DMXL1: variants seen among roughly 807,000 people sequenced by gnomAD.
DMXL1 encodes Dmx like 1, also known as dmX-like protein 1.
A neutral mutation model predicts 319.2 loss-of-function variants in DMXL1; 99 were observed. The observed-to-expected ratio is 0.31, with a 90% confidence interval of 0.26 to 0.37. The LOEUF is 0.37. Among genes scored for constraint, DMXL1 ranks in the 10% least tolerant of loss-of-function variants. DMXL1 has a pLI of 1.00. For synonymous variants in DMXL1, 1,385 were observed against 1,235.2 expected, an observed-to-expected ratio of 1.12 and a Z score of -2.54; for missense variants, 3,745 against 3,595.6, an observed-to-expected ratio of 1.04 and a Z score of -1.06.
At position 119,172,040 on chromosome 5, in the gene DMXL1, T is replaced by C. The variant is rs997259405; in HGVS notation, c.6681+71T>C. On this transcript the variant is annotated intron_variant, in intron 25 of 43. Coordinates refer to ENST00000539542, the MANE Select transcript of DMXL1 (RefSeq NM_001290321.3). ...AAAACTACAAGATAAATATTAAGGC[T>C]TTTTTTTAAGTAATTTTAAACATCA... is the stretch of plus-strand genomic sequence containing the variant. 3.8e-6 allele frequency: 5 copies of C among 1,333,018 alleles called. No individual in the cohort carries two copies. In the African/African-American group the frequency reaches 7.5e-5, roughly 20 times the overall value. 82.6% of individuals were successfully genotyped at this position (1,333,018 alleles called of 1,614,324 possible).
intron 9 of DMXL1, among the ~76,000 whole-genome samples, chr5:119,125,885 A>G (rs928887457): frequency 1.3e-5 from 2 of 152,212 alleles, no homozygotes; most frequent in Admixed American, 6.5e-5. Context: ...AAAAAATCCA[A>G]AACAAACAAA....
intron 25 of DMXL1, 65 bp from the exon 26 acceptor site, chr5:119,175,196 G>T: frequency 4.1e-6 from 5 of 1,218,748 alleles, no homozygotes; most frequent in Non-Finnish European, 4.6e-6. Flanking sequence ...ATTATATTAG[G>T]TCTTGAAAAA....
Position 119,175,352 on chromosome 5 carries a change from A to G in DMXL1, c.6758+15A>G, listed in dbSNP as rs1775594597. The G allele has an allele frequency of 1.9e-6, 3 of 1,584,822 alleles. No individual in the cohort carries two copies. Among genetic ancestry groups the G allele is most frequent in the Non-Finnish European group, 2.6e-6 (3 of 1,156,442 alleles). ...CATAACTACAGGTAACTATCTTTTT[A>G]TGAAATTTAAGAATGCTTACAGTAA... is the stretch of plus-strand genomic sequence containing the variant. On this transcript the variant is annotated intron_variant, in intron 26 of 43. Coordinates refer to ENST00000539542, the MANE Select transcript of DMXL1 (RefSeq NM_001290321.3).
intron 21 of DMXL1, among the ~76,000 whole-genome samples, chr5:119,166,247 A>C (rs961792669): frequency 2.0e-5 from 3 of 152,210 alleles, no homozygotes; most frequent in Non-Finnish European, 2.9e-5. Context: ...TTCAAGGCAC[A>C]TTCTTTAGAT....
chr5:119,205,513 A>G (rs1781588365), intron 33 of DMXL1, among the ~76,000 whole-genome samples: 1 of 152,064 alleles, frequency 6.6e-6, no homozygotes, highest in African/African-American at 2.4e-5. Flanking sequence ...CAGTAAGCTG[A>G]ATATTTTCTC....
In DMXL1 at chr5:119,247,089, A is replaced by C. The variant is rs1464423108; in HGVS notation, c.9017A>C (p.Gln3006Pro). ...AGAAATATTGGAACTGGAGTGATGC[A>C]AATTGAGACAGGGCCTGCAAATCAC... ...IFRNIGTGVM[Q>P]IETGPANHIF... is the part of the protein sequence containing the mutation. Residue 3006 changes from glutamine to proline, a missense_variant, in exon 44 of 44, where the codon CAA becomes CCA. Gln to Pro is a moderately conservative substitution (Grantham distance 76). Coordinates refer to ENST00000539542, the MANE Select transcript of DMXL1 (RefSeq NM_001290321.3). 3 of 1,614,184 alleles carry C rather than the reference A, an allele frequency of 1.9e-6. No homozygotes were observed. Among genetic ancestry groups the C allele is most frequent in the Non-Finnish European group, 2.5e-6 (3 of 1,180,002 alleles).
intron 40 of DMXL1, among the ~76,000 whole-genome samples, chr5:119,238,289 C>T (rs944609930): frequency 2.0e-5 from 3 of 151,540 alleles, no homozygotes; most frequent in Admixed American, 1.3e-4. Context: ...GGAGTTGGCT[C>T]AAAGGAATAA....
At chr5:119,107,200 G>A (rs1015033163) in intron 4 of DMXL1, among the ~76,000 whole-genome samples, 1 of 151,970 alleles carries the variant, frequency 6.6e-6, no homozygotes, top group African/African-American at 2.4e-5. Context: ...AGTTAGTCAG[G>A]CTTGGTGGCT....
chr5:119,128,101 C>G, intron 9 of DMXL1: 1 of 482,004 alleles, frequency 2.1e-6, no homozygotes, highest in Non-Finnish European at 4.1e-6. Context: ...CATTGCAAGT[C>G]TAAATCATGG....
intron 34 of DMXL1, among the ~76,000 whole-genome samples, chr5:119,208,649 A>AT: frequency 6.6e-6 from 1 of 152,070 alleles, no homozygotes; most frequent in Admixed American, 6.6e-5. Flanking sequence ...GGTTAACATC[A>AT]TTTTGGCCAG....
At chr5:119,077,188 T>G (rs1454961402) in intron 1 of DMXL1, among the ~76,000 whole-genome samples, 4,493 of 152,112 alleles carry the variant, frequency 0.03, 207 homozygotes, top group African/African-American at 0.1. Context: ...GGCAGGATCT[T>G]GTTATATTGC....
Position 119,149,311 on chromosome 5 carries a change from CT to C in DMXL1, c.3489del (p.Phe1163LeufsTer43). 6.2e-7 allele frequency: 1 copy of C among 1,613,898 alleles called. No individual in the cohort carries two copies. The highest frequency in any genetic ancestry group is 8.5e-7 in the Non-Finnish European group (1 of 1,179,896). ...CCTGACTGTAGGAATTGGATCAAAA[CT>C]TTTTATGTATGGACCCCTGGCTGGC... ...HILTVGIGSKLFMYGPLAGKV... is the reference protein window; with the variant it reads ...HILTVGIGSKXFMYGPLAGKV... On this transcript the variant is annotated frameshift_variant, in exon 18 of 44. Transcript: ENST00000539542. LOFTEE classifies it high-confidence loss of function.
At chr5:119,104,384 G>A (rs574532995) in intron 3 of DMXL1, 1 of 152,336 alleles carries the variant, frequency 6.6e-6, no homozygotes, top group South Asian at 2.1e-4. Context: ...ACAGGTTTCT[G>A]TGCCCCATCC....
At position 119,247,452 on chromosome 5, in the gene DMXL1, A is replaced by G. The variant is rs549846586; in HGVS notation, c.*233A>G. On this transcript the variant is annotated 3_prime_UTR_variant, in exon 44 of 44. Transcript: ENST00000539542. ...AAGTAATGCTGTAATAATACATATC[A>G]TAGTATATTATAATCAGTATGTCAT... 8.5e-5 allele frequency: 31 copies of G among 363,218 alleles called. No individual in the cohort carries two copies. The South Asian group carries it at 1.3e-3, about 15-fold the overall frequency. The allele number at this position is 363,218 out of a possible 1,614,324, so 22.5% of individuals were successfully genotyped here.
intron 28 of DMXL1, among the ~76,000 whole-genome samples, chr5:119,187,255 A>C (rs1777903586): frequency 6.6e-6 from 1 of 152,152 alleles, no homozygotes; most frequent in East Asian, 1.9e-4. Context: ...TCTCCCTAAT[A>C]CTATTTTCTT....
At chr5:119,166,420 T>C (rs1182365834) in intron 21 of DMXL1, among the ~76,000 whole-genome samples, 196 bp from the exon 22 acceptor site, 1 of 152,222 alleles carries the variant, frequency 6.6e-6, no homozygotes, top group Non-Finnish European at 1.5e-5. Context: ...AGAAAAATTT[T>C]TTGTAATCTC....
intron 43 of DMXL1, among the ~76,000 whole-genome samples, chr5:119,245,434 TAAAATC>T (rs1488744029): frequency 6.6e-6 from 1 of 152,182 alleles, no homozygotes; most frequent in African/African-American, 2.4e-5. Context: ...GCCTTTTTCT[TAAAATC>T]AAATATATAT....
At chr5:119,192,872 T>C (rs143860642) in intron 29 of DMXL1, among the ~76,000 whole-genome samples, 1 of 152,332 alleles carries the variant, frequency 6.6e-6, no homozygotes, top group African/African-American at 2.4e-5. Flanking sequence ...CTTTCCATTT[T>C]ATGAAATTGT....
At chr5:119,201,002 G>T (rs1401382393) in intron 32 of DMXL1, among the ~76,000 whole-genome samples, 3 of 152,132 alleles carry the variant, frequency 2.0e-5, no homozygotes, top group Non-Finnish European at 4.4e-5. Flanking sequence ...ATAGAATCAT[G>T]TTATCTACAA....
Sources: allele counts gnomAD v4.1 joint callset (sites outside exome capture counted in the v4.1 genomes callset), GRCh38; gene constraint gnomAD v4.1.1; transcripts MANE v1.5; gene names NCBI Gene and HGNC (gene_info 2026-07-23, HGNC 2026-07-21).